BCKDHB: variants seen among roughly 807,000 people sequenced by gnomAD.
The protein encoded by BCKDHB is branched chain keto acid dehydrogenase E1 subunit beta, also known as 2-oxoisovalerate dehydrogenase subunit beta, mitochondrial.
Under a neutral mutation model 48.5 loss-of-function variants are expected in BCKDHB, and 41 were observed. That is an observed-to-expected ratio of 0.85 (90% CI 0.66 to 1.10). The LOEUF is 1.10. Among genes scored for constraint, BCKDHB ranks in the 50% least tolerant of loss-of-function variants. BCKDHB has a pLI of 0.00. For missense variants in BCKDHB, 496 were observed against 494.2 expected (o/e 1.00, Z -0.03); for synonymous variants, 201 against 174.8 (o/e 1.15, Z -1.18).
chr6:80,433,767 G>T, the BCKDHB span, among the ~76,000 whole-genome samples: 1 of 152,002 alleles, frequency 6.6e-6, no homozygotes, highest in African/African-American at 2.4e-5. Context: ...CTGATTTTAA[G>T]ATTTTTTAAA....
At chr6:80,410,026 A>G in the BCKDHB span, among the ~76,000 whole-genome samples, 2 of 152,138 alleles carry the variant, frequency 1.3e-5, no homozygotes, top group African/African-American at 2.4e-5. Context: ...TAATTGATGC[A>G]GTTTCTTCCT....
intron 1 of BCKDHB, among the ~76,000 whole-genome samples, chr6:80,112,646 T>A (rs963546046): frequency 6.6e-6 from 1 of 152,240 alleles, no homozygotes; most frequent in Non-Finnish European, 1.5e-5. Context: ...GTGTCCAGAC[T>A]GTCCCATTGT....
intron 9 of BCKDHB, among the ~76,000 whole-genome samples, chr6:80,315,733 G>A (rs1430618027): frequency 6.6e-6 from 1 of 151,824 alleles, no homozygotes; most frequent in Non-Finnish European, 1.5e-5. Flanking sequence ...ATCCTTCCAC[G>A]TCGGCCTGCC....
At chr6:80,283,123 T>A (rs915465252) in intron 9 of BCKDHB, among the ~76,000 whole-genome samples, 16 of 152,096 alleles carry the variant, frequency 1.1e-4, no homozygotes, top group Non-Finnish European at 8.8e-5. Context: ...GTATGGCATA[T>A]TTTGATTCAT....
At chr6:80,137,714 T>C (rs1770958777) in intron 3 of BCKDHB, among the ~76,000 whole-genome samples, 1 of 152,060 alleles carries the variant, frequency 6.6e-6, no homozygotes, top group Non-Finnish European at 1.5e-5. Flanking sequence ...TAGAATCTGG[T>C]GGATGGAGAC....
At chr6:80,147,006 A>G (rs533169151) in intron 3 of BCKDHB, among the ~76,000 whole-genome samples, 28 of 152,294 alleles carry the variant, frequency 1.8e-4, no homozygotes, top group South Asian at 4.1e-4. Flanking sequence ...ACATACACAC[A>G]TACTTGCTAC....
chr6:80,166,654 C>G (rs1357907245), intron 3 of BCKDHB, among the ~76,000 whole-genome samples: 1 of 120,560 alleles, frequency 8.3e-6, no homozygotes, highest in African/African-American at 2.6e-5. Context: ...AAAACTCCAT[C>G]TCAAAAAAAA....
At chr6:80,440,620 T>TA in the BCKDHB span, 1 of 151,802 alleles carries the variant, frequency 6.6e-6, no homozygotes, top group Non-Finnish European at 1.5e-5. Context: ...TTGGTACATT[T>TA]TTTTTTTTTT....
At chr6:80,440,566 C>T in the BCKDHB span, among the ~76,000 whole-genome samples, 1 of 151,958 alleles carries the variant, frequency 6.6e-6, no homozygotes, top group Non-Finnish European at 1.5e-5. Context: ...ACCCCACATG[C>T]CCATGTTTGT....
rs749060295 is a variant in BCKDHB at position 80,243,071 on chromosome 6, A to G, written c.952-30064A>G. On this transcript the variant is annotated intron_variant, in intron 8 of 9. Coordinates refer to ENST00000320393, the MANE Select transcript of BCKDHB (RefSeq NM_183050.4). The stretch of plus-strand genomic sequence containing the variant: ...AGGACTCTATAGTCATATCTCAGCC[A>G]CAGACTAACTGGACAGTATGGCCAG... 4.9e-4 allele frequency among the ~76,000 whole-genome samples: 75 copies of G among 152,300 alleles called. No homozygotes were observed. The Middle Eastern group carries it at 0.014, about 28-fold the overall frequency.
At chr6:80,222,059 A>G (rs1775482908) in intron 8 of BCKDHB, among the ~76,000 whole-genome samples, 1 of 152,152 alleles carries the variant, frequency 6.6e-6, no homozygotes, top group Non-Finnish European at 1.5e-5. Flanking sequence ...GTATGTACCC[A>G]TTACCCAAAT....
intron 3 of BCKDHB, among the ~76,000 whole-genome samples, chr6:80,144,628 A>T (rs950039140): frequency 2.0e-5 from 3 of 152,102 alleles, no homozygotes; most frequent in African/African-American, 7.2e-5. Context: ...AGTCTCAATG[A>T]AGCATTCCCT....
chr6:80,337,248 T>G (rs1043090499), intron 9 of BCKDHB, among the ~76,000 whole-genome samples: 1 of 152,172 alleles, frequency 6.6e-6, no homozygotes, highest in Non-Finnish European at 1.5e-5. Context: ...ATTTGGAAGC[T>G]GAGTGATGTC....
At chr6:80,224,028 A>G (rs1487680311) in intron 8 of BCKDHB, among the ~76,000 whole-genome samples, 1 of 152,228 alleles carries the variant, frequency 6.6e-6, no homozygotes, top group Non-Finnish European at 1.5e-5. Context: ...ATTTTAAGGA[A>G]GCCTGACAAC....
At chr6:80,186,087 G>C (rs1773626551) in intron 6 of BCKDHB, among the ~76,000 whole-genome samples, 1 of 152,140 alleles carries the variant, frequency 6.6e-6, no homozygotes, top group Non-Finnish European at 1.5e-5. Context: ...TAGTAGAAGG[G>C]GGATACAAGT....
the BCKDHB span, among the ~76,000 whole-genome samples, chr6:80,384,600 G>A: frequency 8.6e-5 from 13 of 151,942 alleles, no homozygotes; most frequent in African/African-American, 1.5e-4. Context: ...CTTGTGATCC[G>A]CCTGCCTTGG....
intron 8 of BCKDHB, among the ~76,000 whole-genome samples, chr6:80,210,077 A>G (rs1297107123): frequency 6.7e-6 from 1 of 149,154 alleles, no homozygotes; most frequent in Non-Finnish European, 1.5e-5. Flanking sequence ...GGCAGTATCT[A>G]CCTGAACCCT....
At chr6:80,177,169 A>G (rs1377950950) in intron 6 of BCKDHB, among the ~76,000 whole-genome samples, 1 of 136,218 alleles carries the variant, frequency 7.3e-6, no homozygotes, top group African/African-American at 2.7e-5. Context: ...CTGAGGCTGC[A>G]GTGAGCCATG....
chr6:80,132,286 C>T (rs976775036), intron 3 of BCKDHB, among the ~76,000 whole-genome samples: 2 of 152,190 alleles, frequency 1.3e-5, no homozygotes, highest in African/African-American at 4.8e-5. Flanking sequence ...CCTTTTAAAT[C>T]TTGAAAGTTG....
Sources: allele counts gnomAD v4.1 joint callset (sites outside exome capture counted in the v4.1 genomes callset), GRCh38; gene constraint gnomAD v4.1.1; transcripts MANE v1.5; gene names NCBI Gene and HGNC (gene_info 2026-07-23, HGNC 2026-07-21).